The following GABRB3 variants were observed in gnomAD, a reference collection of about 807,000 sequenced individuals.
GABRB3 encodes the protein gamma-aminobutyric acid type A receptor subunit beta3, also known as gamma-aminobutyric acid receptor subunit beta-3.
Under a neutral mutation model 52.1 loss-of-function variants are expected in GABRB3, and 14 were observed. That is an observed-to-expected ratio of 0.27 (90% CI 0.18 to 0.42). The LOEUF (loss-of-function observed/expected upper bound fraction) is 0.42. GABRB3 is among the 10% of genes least tolerant of loss of function. The pLI is 1.00. For synonymous variants in GABRB3, 260 were observed against 232.3 expected, an observed-to-expected ratio of 1.12 and a Z score of -1.08; for missense variants, 307 against 609.1, an observed-to-expected ratio of 0.50 and a Z score of 5.22.
At chr15:26,717,067 ACAGCC>A (rs1311265837) in intron 3 of GABRB3, among the ~76,000 whole-genome samples, 1 of 131,674 alleles carries the variant, frequency 7.6e-6, no homozygotes, top group East Asian at 2.1e-4. Context: ...CCCTCCGATG[ACAGCC>A]CAGCTCTGCG....
At chr15:26,698,505 C>G (rs9920398) in intron 3 of GABRB3, among the ~76,000 whole-genome samples, 3,631 of 151,782 alleles carry the variant, frequency 0.024, 140 homozygotes, top group African/African-American at 0.083. Flanking sequence ...TGACAAGGGA[C>G]CTGCAACAAG....
intron 4 of GABRB3, chr15:26,615,630 C>T (rs761739597): frequency 3.4e-5 from 21 of 609,540 alleles, no homozygotes; most frequent in East Asian, 9.4e-5. Context: ...GCTGAGTTGA[C>T]GTACAAACCT....
chr15:26,572,804 C>G (rs1890455471), intron 6 of GABRB3, among the ~76,000 whole-genome samples: 1 of 152,190 alleles, frequency 6.6e-6, no homozygotes, highest in Admixed American at 6.5e-5. Context: ...GGTCCCCAGG[C>G]AGATGCTGAG....
At chr15:26,589,248 T>G (rs6576586) in intron 4 of GABRB3, among the ~76,000 whole-genome samples, 150,984 of 152,352 alleles carry the variant, frequency 0.99, 74,820 homozygotes, top group East Asian at 1. Flanking sequence ...AAACTTCTCT[T>G]CATAAGGACT....
chr15:26,690,836 A>C (rs894704511), intron 3 of GABRB3, among the ~76,000 whole-genome samples: 2 of 151,144 alleles, frequency 1.3e-5, no homozygotes, highest in African/African-American at 4.9e-5. Flanking sequence ...ACCAGAGATC[A>C]AAATTCTTGC....
At chr15:26,668,472 T>G (rs1887784787) in intron 3 of GABRB3, among the ~76,000 whole-genome samples, 2 of 152,174 alleles carry the variant, frequency 1.3e-5, no homozygotes. Flanking sequence ...CAAGGCTCAC[T>G]CTTCTTTTGA....
chr15:26,552,954 G>A (rs1045556565), intron 8 of GABRB3, among the ~76,000 whole-genome samples: 1 of 152,146 alleles, frequency 6.6e-6, no homozygotes, highest in African/African-American at 2.4e-5. Context: ...TTTGAATCAT[G>A]AGAGAAAGCA....
chr15:26,761,633 C>T (rs964995246), intron 3 of GABRB3, among the ~76,000 whole-genome samples: 16 of 152,052 alleles, frequency 1.1e-4, no homozygotes, highest in African/African-American at 3.9e-4. Flanking sequence ...TGGGACTCTC[C>T]CTAGTGGGAT....
intron 4 of GABRB3, among the ~76,000 whole-genome samples, chr15:26,606,418 G>A (rs2140508820): frequency 6.6e-6 from 1 of 152,016 alleles, no homozygotes; most frequent in East Asian, 1.9e-4. Context: ...CATGAATATA[G>A]ACATCTACTA....
rs1406390237 is a variant in GABRB3 at position 26,772,434 on chromosome 15, C to A, written c.208G>T (p.Ala70Ser). 12 of 1,610,748 alleles carry A rather than the reference C, an allele frequency of 7.4e-6. No homozygotes were observed. The highest frequency in any genetic ancestry group is 1.1e-5 in the South Asian group (1 of 90,694). Residue 70 changes from alanine (A) to serine (S), a missense_variant, in exon 3 of 9, where the codon GCC becomes TCC. Ala to Ser is a moderately conservative substitution (Grantham distance 99). Around this residue, in one of 6 missense-constraint regions of GABRB3, gnomAD observed 31 missense variants for 71.2 expected, o/e 0.44. Transcript: ENST00000311550. ...PVCVGMNIDI[A>S]SIDMVSEVNM... ...ACTTCGGAAACCATGTCGATGCTGGCGATGTCGATGTTCATCCCCACGCAG... is the reference window on the plus strand; with the variant it reads ...ACTTCGGAAACCATGTCGATGCTGGAGATGTCGATGTTCATCCCCACGCAG...
In GABRB3 at chr15:26,598,494, C is replaced by T. The variant is rs138980327; in HGVS notation, c.462-15080G>A. On this transcript the variant is annotated intron_variant, in intron 4 of 8. Transcript: ENST00000311550. Reference sequence around the variant, plus strand: ...CCTTTTGAAAATTTCAATATTGAAACAAGCCTGAGACATCCATTTGGTCTG... The same window carrying T: ...CCTTTTGAAAATTTCAATATTGAAATAAGCCTGAGACATCCATTTGGTCTG... 1.9e-3 allele frequency among the ~76,000 whole-genome samples: 295 copies of T among 152,140 alleles called. 6 individuals are homozygous for T. The East Asian group carries it at 0.036, about 19-fold the overall frequency.
rs1387349359 is a variant in GABRB3 at position 26,695,808 on chromosome 15, G to A, written c.241-74274C>T. 6.6e-5 allele frequency among the ~76,000 whole-genome samples: 10 copies of A among 152,134 alleles called. No homozygotes were observed. In the East Asian group the frequency reaches 1.7e-3, roughly 26 times the overall value. On this transcript the variant is annotated intron_variant, in intron 3 of 8. Transcript: ENST00000311550. ...ATAGGTGAAATAAGCAAAACATCCT[G>A]GAAGTTCTTCCCAAATCCTAGAAGC...
rs535003765 is a variant in GABRB3, at chr15:26,702,304, G to A, written c.240+70098C>T. Among the ~76,000 whole-genome samples, 65 of 151,988 alleles carry A rather than the reference G, an allele frequency of 4.3e-4. 1 individual carries two copies. In the South Asian group the frequency reaches 9.2e-3, roughly 22 times the overall value. On this transcript the variant is annotated intron_variant, in intron 3 of 8. Coordinates refer to ENST00000311550, the MANE Select transcript of GABRB3 (RefSeq NM_000814.6). Reference sequence around the variant, plus strand: ...GAGGATGAAAACACAGACTGGGAAAGAATATTTGTATAGCGTATATCTGAT... The same window carrying A: ...GAGGATGAAAACACAGACTGGGAAAAAATATTTGTATAGCGTATATCTGAT...
chr15:26,763,900 C>T (rs1890891641), intron 3 of GABRB3, among the ~76,000 whole-genome samples: 2 of 151,806 alleles, frequency 1.3e-5, no homozygotes, highest in South Asian at 4.2e-4. Flanking sequence ...CATTCCAGCA[C>T]TTTGGGAGGC....
intron 3 of GABRB3, among the ~76,000 whole-genome samples, chr15:26,679,360 G>A (rs1315757579): frequency 2.6e-5 from 4 of 152,100 alleles, no homozygotes; most frequent in African/African-American, 9.6e-5. Context: ...TGAACTTTCA[G>A]AATAAAACGG....
At chr15:26,749,293 A>G (rs1467922412) in intron 3 of GABRB3, among the ~76,000 whole-genome samples, 1 of 152,074 alleles carries the variant, frequency 6.6e-6, no homozygotes, top group Non-Finnish European at 1.5e-5. Context: ...GATTACTTAA[A>G]AGTTTACTGT....
At chr15:26,770,236 A>G (rs1891109600) in intron 3 of GABRB3, among the ~76,000 whole-genome samples, 1 of 152,210 alleles carries the variant, frequency 6.6e-6, no homozygotes, top group South Asian at 2.1e-4. Context: ...AATAGCCTTC[A>G]GTCTCCAATC....
chr15:26,664,413 A>T (rs1887639208), intron 3 of GABRB3, among the ~76,000 whole-genome samples: 1 of 152,198 alleles, frequency 6.6e-6, no homozygotes, highest in Non-Finnish European at 1.5e-5. Context: ...AGTTGTGGAC[A>T]GGGCATGGGA....
At chr15:26,620,101 C>A (rs1410267544) in intron 4 of GABRB3, among the ~76,000 whole-genome samples, 1 of 152,164 alleles carries the variant, frequency 6.6e-6, no homozygotes, top group African/African-American at 2.4e-5. Flanking sequence ...TTATCAGAAC[C>A]TGAACCTCCG....
Sources: gnomAD v4.1 joint callset for allele counts (sites outside exome capture counted in the v4.1 genomes callset) on GRCh38, gnomAD v4.1.1 for gene constraint, gnomAD v4.1.1 regional missense constraint, MANE v1.5 for transcripts, NCBI Gene and HGNC (gene_info 2026-07-23, HGNC 2026-07-21) for gene names.